The following USP34 variants were observed in gnomAD, a reference collection of about 807,000 sequenced individuals.
USP34 encodes the protein ubiquitin carboxyl-terminal hydrolase 34.
USP34 carries 70 observed loss-of-function variants against 460.3 expected under a neutral mutation model. The ratio of observed to expected loss-of-function variants is 0.15; its 90% CI spans 0.13 to 0.19. The LOEUF is 0.19. Among genes scored for constraint, USP34 ranks in the 10% least tolerant of loss-of-function variants. The pLI is 1.00. For missense variants in USP34, 3,985 were observed against 4,236.2 expected (o/e 0.94, Z 1.65); for synonymous variants, 1,647 against 1,405.3 (o/e 1.17, Z -3.85).
At chr2:61,236,564 A>G (rs1410941880) in intron 53 of USP34, among the ~76,000 whole-genome samples, 175 bp from the exon 54 acceptor site, 1 of 152,140 alleles carries the variant, frequency 6.6e-6, no homozygotes, top group Non-Finnish European at 1.5e-5. Context: ...GTTGCTACTA[A>G]TATTTTGTAA....
intron 19 of USP34, among the ~76,000 whole-genome samples, chr2:61,332,400 C>A (rs1691298240): frequency 6.6e-6 from 1 of 151,994 alleles, no homozygotes; most frequent in Non-Finnish European, 1.5e-5. Context: ...GTAATGGAAA[C>A]CCTGTGAATT....
In USP34 at chr2:61,334,091, C is replaced by T. The variant is rs1691349196; in HGVS notation, c.2745-120G>A. ...TCTTGCATAGAGACATATTATTACA[C>T]AAACATTAAACTTTTTTTCTCAGAA... On this transcript the variant is annotated intron_variant, in intron 18 of 79. Transcript: ENST00000398571. The T allele has an allele frequency of 1.5e-5, 9 of 605,548 alleles. No individual in the cohort carries two copies. The South Asian group carries it at 3.0e-4, about 20-fold the overall frequency. The allele number at this position is 605,548 out of a possible 1,614,324, so 37.5% of individuals were successfully genotyped here.
At chr2:61,441,753 A>C (rs1208980915) in intron 1 of USP34, among the ~76,000 whole-genome samples, 1 of 146,874 alleles carries the variant, frequency 6.8e-6, no homozygotes, top group Non-Finnish European at 1.5e-5. Flanking sequence ...GTGAGCTGTG[A>C]TGGTACCACT....
At chr2:61,272,643 G>A (rs574988363) in intron 41 of USP34, among the ~76,000 whole-genome samples, 2 of 152,030 alleles carry the variant, frequency 1.3e-5, no homozygotes, top group Non-Finnish European at 2.9e-5. Flanking sequence ...ACTAGCATAC[G>A]AGTAAACCCT....
chr2:61,259,499 CT>C (rs1476134284), intron 44 of USP34, among the ~76,000 whole-genome samples: 8 of 151,886 alleles, frequency 5.3e-5, no homozygotes, highest in African/African-American at 1.4e-4. Flanking sequence ...GCGAGCCTCC[CT>C]TTTCAGTCTC....
rs928363964 is a variant in USP34 at position 61,311,773 on chromosome 2, T to G, written c.3669+11A>C. On this transcript the variant is annotated intron_variant, in intron 26 of 79. Transcript: ENST00000398571. ...ATGTTATCAACTTCGAAATTAAAAC[T>G]ATGTAAGTACCTTGTCAGGAAGTCC... The G allele has an allele frequency of 6.2e-7, 1 of 1,611,474 alleles. No homozygotes were observed. Among genetic ancestry groups the G allele is most frequent in the African/African-American group, 1.3e-5 (1 of 74,914 alleles).
intron 29 of USP34, among the ~76,000 whole-genome samples, chr2:61,299,216 A>C (rs1459647445): frequency 6.6e-6 from 1 of 152,216 alleles, no homozygotes; most frequent in Admixed American, 6.5e-5. Flanking sequence ...CACATCATGG[A>C]AACGGGAAGA....
rs1293780319 is a variant in USP34, at chr2:61,204,301, A to G, written c.9339T>C (p.Pro3113=). 6.2e-7 allele frequency: 1 copy of G among 1,614,088 alleles called. No homozygotes were observed. Among genetic ancestry groups the G allele is most frequent in the Non-Finnish European group, 8.5e-7 (1 of 1,180,038 alleles). ...GGKSNIRPPR[P]ELNMCLLPTM... ...TGGGCAAGAGGCACATATTGAGTTC[A>G]GGGCGCGGAGGCCGAATATTGCTTT... Residue 3113 remains proline (P), a synonymous_variant, in exon 74 of 80, where the codon CCT becomes CCC. Coordinates refer to ENST00000398571, the MANE Select transcript of USP34 (RefSeq NM_014709.4).
intron 10 of USP34, among the ~76,000 whole-genome samples, chr2:61,362,649 T>C (rs1252986794): frequency 6.6e-6 from 1 of 152,226 alleles, no homozygotes; most frequent in East Asian, 1.9e-4. Flanking sequence ...GAGAAATAAG[T>C]TGACATCAGT....
intron 18 of USP34, 26 bp from the exon 19 acceptor site, chr2:61,333,997 A>G: frequency 6.8e-7 from 1 of 1,477,632 alleles, no homozygotes; most frequent in Non-Finnish European, 9.2e-7. Flanking sequence ...CATTCACAAA[A>G]TAATTTTAGT....
Position 61,235,914 on chromosome 2 carries a change from G to A in USP34, c.6967-4C>T, listed in dbSNP as rs1688054675. 1 of 1,611,562 alleles carries A rather than the reference G, an allele frequency of 6.2e-7. No homozygotes were observed. Among genetic ancestry groups the A allele is most frequent in the East Asian group, 2.2e-5 (1 of 44,844 alleles). On this transcript the variant is annotated splice_polypyrimidine_tract_variant and splice_region_variant and intron_variant, in intron 56 of 79. Transcript: ENST00000398571. Reference sequence around the variant, plus strand: ...CAATCCACTGAAGCATCGTGGGCTAGAAAAGAAAAGTCAGTCAAAGCATAT... The same window carrying A: ...CAATCCACTGAAGCATCGTGGGCTAAAAAAGAAAAGTCAGTCAAAGCATAT...
chr2:61,371,634 AT>A (rs1467554881), intron 8 of USP34, among the ~76,000 whole-genome samples: 2 of 152,112 alleles, frequency 1.3e-5, no homozygotes, highest in Admixed American at 1.3e-4. Flanking sequence ...GAAGAAAAAA[AT>A]TTTTAAATAA....
rs140999585 is a variant in USP34, at chr2:61,317,894, A to G, written c.3169-127T>C. 1,152 of 642,756 alleles carry G rather than the reference A, an allele frequency of 1.8e-3. 1 individual carries two copies. Among genetic ancestry groups the G allele is most frequent in the Non-Finnish European group, 2.5e-3 (1,008 of 399,442 alleles). 39.8% of individuals were successfully genotyped at this position (642,756 alleles called of 1,614,324 possible). On this transcript the variant is annotated intron_variant, in intron 22 of 79. Coordinates refer to ENST00000398571, the MANE Select transcript of USP34 (RefSeq NM_014709.4). The stretch of plus-strand genomic sequence containing the variant: ...AGATCAGTTTGAATTTTTAGTGATA[A>G]TTTTAAAAAATAAAAATATATAATA...
At chr2:61,407,367 A>C (rs1165392834) in intron 2 of USP34, among the ~76,000 whole-genome samples, 1 of 152,256 alleles carries the variant, frequency 6.6e-6, no homozygotes, top group African/African-American at 2.4e-5. Flanking sequence ...TCTCAAAAAA[A>C]GGCAGGGAAC....
chr2:61,444,328 G>A (rs112260919), intron 1 of USP34, among the ~76,000 whole-genome samples: 1 of 152,076 alleles, frequency 6.6e-6, no homozygotes, highest in South Asian at 2.1e-4. Context: ...ATTGATAGAT[G>A]GCTTTAATAC....
At chr2:61,286,433 A>G (rs979763664) in intron 34 of USP34, among the ~76,000 whole-genome samples, 1 of 152,156 alleles carries the variant, frequency 6.6e-6, no homozygotes, top group African/African-American at 2.4e-5. Context: ...AGGCAGGAGG[A>G]TCACTTGAGG....
At chr2:61,274,459 T>G (rs1302799872) in intron 41 of USP34, among the ~76,000 whole-genome samples, 1 of 149,444 alleles carries the variant, frequency 6.7e-6, no homozygotes, top group East Asian at 1.9e-4. Context: ...AAAAAAAAAC[T>G]TGCAATTCAT....
chr2:61,232,869 C>CG (rs1558480512), intron 57 of USP34, among the ~76,000 whole-genome samples: 5 of 113,880 alleles, frequency 4.4e-5, no homozygotes, highest in Non-Finnish European at 8.9e-5. Flanking sequence ...TTCCCCCCCC[C>CG]CTTTTTTTTT....
At chr2:61,208,640 A>G (rs563325571) in intron 70 of USP34, 3 of 225,860 alleles carry the variant, frequency 1.3e-5, no homozygotes, top group South Asian at 3.4e-4. Context: ...CAAATGAATA[A>G]AACTAGTCTA....
Sources: allele counts gnomAD v4.1 joint callset (sites outside exome capture counted in the v4.1 genomes callset), GRCh38; gene constraint gnomAD v4.1.1; transcripts MANE v1.5; gene names NCBI Gene and HGNC (gene_info 2026-07-23, HGNC 2026-07-21).